SHLD2: variants seen among roughly 807,000 people sequenced by gnomAD.
SHLD2 encodes the protein RINN1-REV7-interacting novel NHEJ regulator 2.
A neutral mutation model predicts 73.2 loss-of-function variants in SHLD2; 30 were observed. The observed-to-expected ratio is 0.41, with a 90% CI of 0.31 to 0.56. The LOEUF (loss-of-function observed/expected upper bound fraction) is 0.56, where lower values mean the gene tolerates loss of function less well. Ranked by LOEUF, SHLD2 falls within the 20% of genes least tolerant of loss-of-function variation. SHLD2 has a pLI of 0.28. For synonymous variants in SHLD2, 285 were observed against 370.1 expected (o/e 0.77, Z 2.64); for missense variants, 745 against 1,055.9 (o/e 0.71, Z 4.08).
chr10:87,136,122 A>G (rs1318739691), intron 2 of SHLD2, among the ~76,000 whole-genome samples: 1 of 151,662 alleles, frequency 6.6e-6, no homozygotes, highest in Admixed American at 6.6e-5. Flanking sequence ...ATTAGTATGG[A>G]CTTATGGATA....
At chr10:87,145,560 A>T (rs1258410700) in intron 2 of SHLD2, among the ~76,000 whole-genome samples, 2 of 151,886 alleles carry the variant, frequency 1.3e-5, no homozygotes, top group Admixed American at 6.6e-5. Flanking sequence ...AGACATGAAA[A>T]GGCATTACTA....
At chr10:87,185,782 G>A (rs898665861) in intron 8 of SHLD2, among the ~76,000 whole-genome samples, 10 of 152,156 alleles carry the variant, frequency 6.6e-5, no homozygotes, top group African/African-American at 1.9e-4. Context: ...TTTTTGGCAT[G>A]TGGATATCTA....
At chr10:87,147,072 GAAA>G (rs76041937) in intron 2 of SHLD2, among the ~76,000 whole-genome samples, 1 of 95,316 alleles carries the variant, frequency 1.0e-5, no homozygotes, top group Non-Finnish European at 2.3e-5. Flanking sequence ...AAAAAAAAAA[GAAA>G]AAAAAAAAAA....
chr10:87,134,563 GAGT>G (rs748963019), intron 2 of SHLD2, among the ~76,000 whole-genome samples: 3 of 149,944 alleles, frequency 2.0e-5, no homozygotes, highest in Non-Finnish European at 4.4e-5. Flanking sequence ...GAATGTTCAG[GAGT>G]AGTAAGCCAA....
chr10:87,131,035 C>T (rs1012179491), intron 2 of SHLD2, among the ~76,000 whole-genome samples: 4 of 152,034 alleles, frequency 2.6e-5, no homozygotes, highest in African/African-American at 4.8e-5. Context: ...TCACTGTACT[C>T]CATCCTGGGT....
chr10:87,128,984 C>T lies in SHLD2; in HGVS notation c.-5-22366C>T, dbSNP rs187161120. 2.8e-3 allele frequency among the ~76,000 whole-genome samples: 421 copies of T among 152,254 alleles called. 3 individuals are homozygous for T. The highest frequency in any genetic ancestry group is 9.8e-3 in the African/African-American group (407 of 41,556). On this transcript the variant is annotated intron_variant, in intron 2 of 9. Transcript: ENST00000298786. ...GTGGCATGATCTTGGCGCACTGCAA[C>T]AACCTCCGCCTCCTGGGTTCAGGTG...
At position 87,144,616 on chromosome 10, in the gene SHLD2, A is replaced by ATTTTTTTT. The variant is rs548218721; in HGVS notation, c.-5-6713_-5-6706dup. On this transcript the variant is annotated intron_variant, in intron 2 of 9. Transcript: ENST00000298786. ...TAAATTTAGGTACAAGCATTTACTA[A>ATTTTTTTT]TTTTTTTTTTTTTTTTTTTTTTTTT... 3.2e-4 allele frequency among the ~76,000 whole-genome samples: 29 copies of ATTTTTTTT among 89,490 alleles called. 1 individual carries two copies. Among genetic ancestry groups the ATTTTTTTT allele is most frequent in the Admixed American group, 4.1e-4 (3 of 7,404 alleles). The allele number at this position is 89,490 out of a possible 152,430, so 58.7% of individuals were successfully genotyped here.
intron 4 of SHLD2, among the ~76,000 whole-genome samples, chr10:87,164,616 G>A (rs1258811265): frequency 6.6e-6 from 1 of 152,078 alleles, no homozygotes; most frequent in Non-Finnish European, 1.5e-5. Flanking sequence ...GACTGGGTCA[G>A]GGCAAATTCA....
intron 2 of SHLD2, among the ~76,000 whole-genome samples, chr10:87,122,173 CA>C (rs10706744): frequency 0.3 from 25,417 of 85,966 alleles, 2,473 homozygotes; most frequent in East Asian, 0.64. Flanking sequence ...CACTGACTGT[CA>C]AAAAAAAAAA....
At chr10:87,172,773 C>T (rs912135762) in intron 6 of SHLD2, among the ~76,000 whole-genome samples, 2 of 151,440 alleles carry the variant, frequency 1.3e-5, no homozygotes, top group African/African-American at 4.8e-5. Flanking sequence ...TTCAAGAAAA[C>T]CCTTTATATA....
upstream of SHLD2, chr10:87,094,935 G>T: frequency 2.7e-6 from 1 of 364,182 alleles, no homozygotes. This position sits in a 1 kb window ranked among gnomAD's most constrained non-coding sequence, Gnocchi z 6.6. Context: ...TAACGGGGAG[G>T]ACGGACTTCG....
intron 2 of SHLD2, among the ~76,000 whole-genome samples, chr10:87,114,677 A>T (rs2134027990): frequency 6.6e-6 from 1 of 152,270 alleles, no homozygotes; most frequent in South Asian, 2.1e-4. Flanking sequence ...GTGAGCCGAG[A>T]TTGCGCCACT....
intron 4 of SHLD2, among the ~76,000 whole-genome samples, chr10:87,162,784 C>T (rs530505781): frequency 7.9e-5 from 12 of 152,152 alleles, no homozygotes. Flanking sequence ...ATGGAGATAC[C>T]ATTTCTCACC....
chr10:87,175,951 T>A lies in SHLD2; in HGVS notation c.2026T>A (p.Leu676Met). ...CAATTACACACTAGAAAACCTAGAA[T>A]TGCATACAACGCCTTGGTCATCCTG... ...QCNYTLENLE[L>M]HTTPWSSCEC... is the part of the protein sequence containing the mutation. The change falls in exon 7 of 10, where the codon TTG (leucine) becomes ATG (methionine). Residue 676 changes from leucine to methionine, a missense_variant. Physicochemically the swap from Leu to Met is conservative, Grantham distance 15 (BLOSUM62 2). This residue lies in a region of SHLD2 where 418 missense variants were observed against 567.8 expected (regional missense o/e 0.74). Coordinates refer to ENST00000298786, the MANE Select transcript of SHLD2 (RefSeq NM_001330112.2). 6.4e-7 allele frequency: 1 copy of A among 1,550,840 alleles called. No individual in the cohort carries two copies. Among genetic ancestry groups the A allele is most frequent in the African/African-American group, 1.4e-5 (1 of 73,144 alleles).
chr10:87,172,520 G>A (rs1726388046), intron 6 of SHLD2, among the ~76,000 whole-genome samples: 1 of 152,070 alleles, frequency 6.6e-6, no homozygotes, highest in Non-Finnish European at 1.5e-5. Context: ...AGCTTAGAAA[G>A]ATATATGTAA....
chr10:87,123,558 T>G (rs1358291164), intron 2 of SHLD2, among the ~76,000 whole-genome samples: 1 of 152,264 alleles, frequency 6.6e-6, no homozygotes, highest in Non-Finnish European at 1.5e-5. Flanking sequence ...TCAGTTGCAT[T>G]AAGTACATTC....
chr10:87,128,846 T>C (rs1368129624), intron 2 of SHLD2, among the ~76,000 whole-genome samples: 2 of 152,192 alleles, frequency 1.3e-5, no homozygotes, highest in Non-Finnish European at 2.9e-5. Flanking sequence ...ACTCAGTGTT[T>C]TTTTGTTGTT....
chr10:87,175,892 A>G lies in SHLD2; in HGVS notation c.1967A>G (p.Tyr656Cys), dbSNP rs1364844504. ...WYPQLQRKKGYIWEFKYLFVQ... is the reference protein window; with the variant it reads ...WYPQLQRKKGCIWEFKYLFVQ... ...TGTTTTTACTGTTTTTTTTAAGGTT[A>G]TATTTGGGAATTTAAATATCTTTTT... is the stretch of plus-strand genomic sequence containing the variant. Residue 656 changes from tyrosine to cysteine, a missense_variant, in exon 7 of 10, where the codon TAT (tyrosine) becomes TGT (cysteine). Physicochemically the swap from Tyr to Cys is radical, Grantham distance 194. Coordinates refer to ENST00000298786, the MANE Select transcript of SHLD2 (RefSeq NM_001330112.2). 2.6e-6 allele frequency: 4 copies of G among 1,549,600 alleles called. No individual in the cohort carries two copies. The highest frequency in any genetic ancestry group is 3.5e-6 in the Non-Finnish European group (4 of 1,146,650).
chr10:87,137,332 GA>G (rs1430770236), intron 2 of SHLD2, among the ~76,000 whole-genome samples: 1 of 150,014 alleles, frequency 6.7e-6, no homozygotes, highest in Non-Finnish European at 1.5e-5. Flanking sequence ...AAATAGAGGT[GA>G]AAAATATACT....
Sources: allele counts gnomAD v4.1 joint callset (sites outside exome capture counted in the v4.1 genomes callset), GRCh38; gene constraint gnomAD v4.1.1; regional missense constraint gnomAD v4.1.1; non-coding constraint Gnocchi (gnomAD v3.1); transcripts MANE v1.5; gene names NCBI Gene and HGNC (gene_info 2026-07-23, HGNC 2026-07-21).